Variants in C3orf52 observed in about 807,000 individuals in gnomAD.
C3orf52 encodes the protein chromosome 3 open reading frame 52, also known as TPA-induced transmembrane protein.
In C3orf52, 22 loss-of-function variants were observed where a neutral mutation model predicts 24.8. That is an observed-to-expected ratio of 0.89 (90% CI 0.63 to 1.27). C3orf52 has a LOEUF of 1.27. Among genes scored for constraint, C3orf52 ranks in the 50% most tolerant of loss-of-function variants. The probability of loss-of-function intolerance (pLI) is 0.00; values close to 1 mark genes in which losing one functional copy is unlikely to be tolerated. For synonymous variants in C3orf52, 93 were observed against 100.2 expected (o/e 0.93, Z 0.43); for missense variants, 265 against 260.7 (o/e 1.02, Z -0.11).
chr3:112,134,107 A>C (rs903797635), downstream of C3orf52: 11 of 152,300 alleles, frequency 7.2e-5, no homozygotes, highest in Admixed American at 2.0e-4. Flanking sequence ...TTCAGGGAGG[A>C]GCCCGGCCAG....
At chr3:112,088,767 C>T (rs1443161401) in intron 1 of C3orf52, among the ~76,000 whole-genome samples, 1 of 152,010 alleles carries the variant, frequency 6.6e-6, no homozygotes, top group African/African-American at 2.4e-5. Context: ...TTAATTATTA[C>T]TAATTTCTAT....
At chr3:112,088,585 A>G (rs956779606) in intron 1 of C3orf52, among the ~76,000 whole-genome samples, 17 of 145,328 alleles carry the variant, frequency 1.2e-4, no homozygotes, top group African/African-American at 4.0e-4. Flanking sequence ...AAAATCCTCA[A>G]GTTCACTCAG....
chr3:112,090,977 G>A (rs1199042014), intron 1 of C3orf52, among the ~76,000 whole-genome samples: 6 of 152,150 alleles, frequency 3.9e-5, no homozygotes, highest in African/African-American at 7.2e-5. Flanking sequence ...AAGCAGTTCT[G>A]CAGGTTTTGA....
chr3:112,121,042 ATCCCTCTTATAAT>A (rs1248371649), downstream of C3orf52: 8 of 152,158 alleles, frequency 5.3e-5, no homozygotes, highest in African/African-American at 1.4e-4. Flanking sequence ...CCCTTTCATA[ATCCCTCTTATAAT>A]TCCCTCTTAT....
rs1312318281 is a variant in C3orf52, at chr3:112,102,820, C to T, written c.269-18C>T. On this transcript the variant is annotated intron_variant, in intron 2 of 5. Coordinates refer to ENST00000264848, the MANE Select transcript of C3orf52 (RefSeq NM_024616.3). ...GTTTACTTTTGTTTTTCATTTCCAC[C>T]TCCCCTACTTTCTTTAGTAACTTAT... 2.6e-6 allele frequency: 4 copies of T among 1,533,398 alleles called. No homozygotes were observed. Among genetic ancestry groups the T allele is most frequent in the Middle Eastern group, 1.7e-4 (1 of 5,852 alleles). The allele number at this position is 1,533,398 out of a possible 1,614,324, so 95.0% of individuals were successfully genotyped here. A position where few individuals can be genotyped will look rare whatever the true frequency, so the allele number is the denominator to read the frequency against.
downstream of C3orf52, chr3:112,133,414 A>G (rs553917274): frequency 2.2e-5 from 8 of 369,408 alleles, no homozygotes; most frequent in Admixed American, 3.6e-4. Flanking sequence ...GGGGAATCCC[A>G]GGTCTGAAAT....
At chr3:112,094,203 C>T (rs340159) in intron 2 of C3orf52, among the ~76,000 whole-genome samples, 7 of 152,268 alleles carry the variant, frequency 4.6e-5, no homozygotes, top group African/African-American at 1.7e-4. Context: ...CCATGTTGTC[C>T]GGGTTGGTCT....
intron 5 of C3orf52, among the ~76,000 whole-genome samples, 175 bp downstream of exon 5, chr3:112,113,320 T>A (rs2074104360): frequency 6.6e-6 from 1 of 152,170 alleles, no homozygotes; most frequent in Non-Finnish European, 1.5e-5. Flanking sequence ...TGTTCCCCTC[T>A]CTGTGGAGGC....
At chr3:112,089,183 A>G (rs1011450674) in intron 1 of C3orf52, among the ~76,000 whole-genome samples, 18 of 152,256 alleles carry the variant, frequency 1.2e-4, no homozygotes, top group Non-Finnish European at 2.2e-4. Flanking sequence ...AGATGGCAAC[A>G]TCATTTGAAT....
intron 2 of C3orf52, 56 bp downstream of exon 2, chr3:112,093,545 G>A (rs1171887739): frequency 1.1e-5 from 17 of 1,517,226 alleles, no homozygotes; most frequent in Non-Finnish European, 1.4e-5. Flanking sequence ...CTTAAGGCTT[G>A]TGACTTACAC....
intron 2 of C3orf52, among the ~76,000 whole-genome samples, chr3:112,102,560 A>G (rs766375367): frequency 8.6e-5 from 13 of 151,734 alleles, no homozygotes; most frequent in Non-Finnish European, 1.5e-4. Context: ...TATTCTTCCT[A>G]CTCCCTTGGG....
At chr3:112,128,313 C>T (rs2074376671) in exon 5 of C3orf52, 1 of 641,710 alleles carries the variant, frequency 1.6e-6, no homozygotes, top group South Asian at 1.6e-5. Flanking sequence ...TGTTTCCTCA[C>T]TCTCAATTCT....
intron 4 of C3orf52, among the ~76,000 whole-genome samples, chr3:112,124,737 A>T (rs2074273460): frequency 6.6e-6 from 1 of 152,368 alleles, no homozygotes; most frequent in Non-Finnish European, 1.5e-5. Flanking sequence ...GGTTTCACTT[A>T]TGATGGGATA....
chr3:112,130,512 G>T, downstream of C3orf52: 1 of 1,613,486 alleles, frequency 6.2e-7, no homozygotes, highest in Non-Finnish European at 8.5e-7. Context: ...TTCTGCTGCC[G>T]CCTGAAACTC....
chr3:112,132,542 TA>T (rs1283514081), downstream of C3orf52: 2 of 449,276 alleles, frequency 4.5e-6, no homozygotes, highest in Non-Finnish European at 5.9e-6. Context: ...CTAAGGTAGA[TA>T]TTGTATTATT....
chr3:112,095,968 A>C (rs1443450374), intron 2 of C3orf52, among the ~76,000 whole-genome samples: 1 of 152,168 alleles, frequency 6.6e-6, no homozygotes, highest in African/African-American at 2.4e-5. Flanking sequence ...CAAGTACTGC[A>C]TGGGAAATGT....
rs377500470 is a variant in C3orf52, at chr3:112,116,534, T to A, written c.650-108T>A. ...GTTAGGAATGTATAAACCTTGCAATTTTATCTAAGATTTTACACTAAAATT... is the reference window on the plus strand; with the variant it reads ...GTTAGGAATGTATAAACCTTGCAATATTATCTAAGATTTTACACTAAAATT... On this transcript the variant is annotated intron_variant, in intron 5 of 5. Coordinates refer to ENST00000264848, the MANE Select transcript of C3orf52 (RefSeq NM_024616.3). 3.0e-5 allele frequency: 32 copies of A among 1,075,432 alleles called. 1 individual carries two copies. Among genetic ancestry groups the A allele is most frequent in the African/African-American group, 2.1e-4 (13 of 62,562 alleles). 66.6% of individuals were successfully genotyped at this position (1,075,432 alleles called of 1,614,324 possible).
chr3:112,131,333 G>A (rs1426179560), downstream of C3orf52, among the ~76,000 whole-genome samples: 1 of 152,078 alleles, frequency 6.6e-6, no homozygotes, highest in Non-Finnish European at 1.5e-5. Context: ...TCTATTCTGT[G>A]CAAAATTTCC....
intron 4 of C3orf52, among the ~76,000 whole-genome samples, chr3:112,126,033 A>G (rs940351767): frequency 3.9e-5 from 6 of 152,320 alleles, no homozygotes; most frequent in Admixed American, 3.9e-4. Context: ...CGGTCCTCAC[A>G]TCCTGGATTT....
Sources: allele counts gnomAD v4.1 joint callset (sites outside exome capture counted in the v4.1 genomes callset), GRCh38; gene constraint gnomAD v4.1.1; transcripts MANE v1.5; gene names NCBI Gene and HGNC (gene_info 2026-07-23, HGNC 2026-07-21).